GALNT13: variants seen among roughly 807,000 people sequenced by gnomAD.
The protein encoded by GALNT13 is polypeptide N-acetylgalactosaminyltransferase 13, also known as UDP-GalNAc:polypeptide N-acetylgalactosaminyltransferase 13.
A neutral mutation model predicts 64.2 loss-of-function variants in GALNT13; 28 were observed. That is an observed-to-expected ratio of 0.44 (90% CI 0.32 to 0.60). The LOEUF (loss-of-function observed/expected upper bound fraction) is 0.60. Among genes scored for constraint, GALNT13 ranks in the 20% least tolerant of loss-of-function variants. The pLI is 0.05. For synonymous variants in GALNT13, 214 were observed against 224.6 expected, an observed-to-expected ratio of 0.95 and a Z score of 0.42; for missense variants, 577 against 669.8, an observed-to-expected ratio of 0.86 and a Z score of 1.53.
At position 154,373,165 on chromosome 2, in the gene GALNT13, G is replaced by A. The variant is rs1574185380; in HGVS notation, c.1157-22826G>A. On this transcript the variant is annotated intron_variant, in intron 9 of 12. Transcript: ENST00000392825. ...TTCCTCAGTTTTCATACATTTTATG[G>A]CAAACCTTCAACACTTATTTATTCC... 4.6e-5 allele frequency among the ~76,000 whole-genome samples: 7 copies of A among 152,064 alleles called. No individual in the cohort carries two copies. The South Asian group carries it at 1.0e-3, about 23-fold the overall frequency.
Position 154,409,032 on chromosome 2 carries a change from G to A in GALNT13, c.1345G>A (p.Glu449Lys), listed in dbSNP as rs1699676154. 3 of 1,611,596 alleles carry A rather than the reference G, an allele frequency of 1.9e-6. No homozygotes were observed. The highest frequency in any genetic ancestry group is 1.3e-5 in the African/African-American group (1 of 74,898). Residue 449 changes from glutamate to lysine, a missense_variant, in exon 11 of 13, where the codon GAA (glutamate) becomes AAA (lysine). By Grantham distance (56) the Glu-to-Lys change is moderately conservative. Coordinates refer to ENST00000392825, the MANE Select transcript of GALNT13 (RefSeq NM_052917.4). ...NQCLDNMGRK[E>K]NEKVGIFNCH... ...GTGTTTAGACAACATGGGCCGCAAG[G>A]AAAATGAAAAAGTGGGTATATTCAA...
chr2:154,208,582 C>G (rs1348482933), intron 4 of GALNT13, among the ~76,000 whole-genome samples: 1 of 151,108 alleles, frequency 6.6e-6, no homozygotes, highest in Admixed American at 6.6e-5. Context: ...AATCTGATAT[C>G]TGAAGCACTG....
the GALNT13 span, among the ~76,000 whole-genome samples, chr2:153,293,347 GA>G: frequency 6.6e-6 from 1 of 152,108 alleles, no homozygotes; most frequent in Non-Finnish European, 1.5e-5. Context: ...CTTAAAAGAT[GA>G]AAGAGGAAGG....
chr2:153,756,172 G>A, the GALNT13 span, among the ~76,000 whole-genome samples: 183 of 152,122 alleles, frequency 1.2e-3, no homozygotes, highest in African/African-American at 4.2e-3. Context: ...AAAAAAGATT[G>A]TCTTCAGAGA....
At chr2:153,338,125 C>G in the GALNT13 span, among the ~76,000 whole-genome samples, 17 of 149,518 alleles carry the variant, frequency 1.1e-4, 1 homozygote, top group African/African-American at 4.2e-4. Flanking sequence ...GCCCCCATCT[C>G]TACAAACAAT....
chr2:153,954,282 G>T (rs1692411332), intron 3 of GALNT13, among the ~76,000 whole-genome samples: 1 of 152,048 alleles, frequency 6.6e-6, no homozygotes, highest in Non-Finnish European at 1.5e-5. Context: ...TATTGGAATT[G>T]CCCTTAATAA....
the GALNT13 span, among the ~76,000 whole-genome samples, chr2:153,468,576 T>C: frequency 6.6e-6 from 1 of 152,128 alleles, no homozygotes; most frequent in Non-Finnish European, 1.5e-5. Flanking sequence ...TTTTCAGTAT[T>C]ATAATTTGGT....
chr2:153,557,400 C>A, the GALNT13 span, among the ~76,000 whole-genome samples: 1 of 152,148 alleles, frequency 6.6e-6, no homozygotes, highest in South Asian at 2.1e-4. Flanking sequence ...TGTACACAAA[C>A]AAGAAATAAA....
chr2:153,498,905 T>G, the GALNT13 span, among the ~76,000 whole-genome samples: 1 of 151,996 alleles, frequency 6.6e-6, no homozygotes, highest in Non-Finnish European at 1.5e-5. Context: ...TGGAGTGCAG[T>G]GGCGCGATCT....
At chr2:153,262,053 C>T in the GALNT13 span, among the ~76,000 whole-genome samples, 1 of 152,176 alleles carries the variant, frequency 6.6e-6, no homozygotes, top group Non-Finnish European at 1.5e-5. Context: ...GTCCTCTACT[C>T]TACTATGGCC....
chr2:154,367,384 A>G (rs1316503186), intron 9 of GALNT13, among the ~76,000 whole-genome samples: 1 of 152,204 alleles, frequency 6.6e-6, no homozygotes, highest in Non-Finnish European at 1.5e-5. Flanking sequence ...GGCAGTAGAA[A>G]GCATGATTTT....
chr2:153,416,489 T>C, the GALNT13 span, among the ~76,000 whole-genome samples: 1 of 152,212 alleles, frequency 6.6e-6, no homozygotes, highest in Admixed American at 6.5e-5. Flanking sequence ...AAATTTTGTC[T>C]TGTTCATTTG....
intron 2 of GALNT13, among the ~76,000 whole-genome samples, chr2:153,939,181 G>A (rs560505050): frequency 2.6e-5 from 4 of 152,258 alleles, no homozygotes; most frequent in African/African-American, 4.8e-5. Flanking sequence ...AGGAAAGCTC[G>A]TGGTGATGTG....
chr2:153,622,646 A>T, the GALNT13 span, among the ~76,000 whole-genome samples: 1 of 152,200 alleles, frequency 6.6e-6, no homozygotes, highest in East Asian at 1.9e-4. Flanking sequence ...TCAGTAAAAT[A>T]CAAACATTAT....
chr2:153,996,026 G>T (rs1336215216), intron 3 of GALNT13, among the ~76,000 whole-genome samples: 1 of 152,228 alleles, frequency 6.6e-6, no homozygotes. Context: ...TTTAATAGCC[G>T]AATAGCATTC....
chr2:154,329,951 C>T, intron 9 of GALNT13, among the ~76,000 whole-genome samples: 1 of 152,090 alleles, frequency 6.6e-6, no homozygotes. Flanking sequence ...GCCCACAGAA[C>T]CATGAGCCAA....
At chr2:153,832,371 C>T in the GALNT13 span, among the ~76,000 whole-genome samples, 2 of 152,126 alleles carry the variant, frequency 1.3e-5, no homozygotes, top group African/African-American at 4.8e-5. Flanking sequence ...ATGAGAGTCT[C>T]GATAGGTCAA....
In GALNT13 at chr2:154,394,774, G is replaced by C. The variant is rs142536271; in HGVS notation, c.1157-1217G>C. ...TCTGTTTAAAAAGCCCAAAGACCTT[G>C]TTTTTTCTGCCCAAACACCAGCTAG... On this transcript the variant is annotated intron_variant, in intron 9 of 12. Coordinates refer to ENST00000392825, the MANE Select transcript of GALNT13 (RefSeq NM_052917.4). 5.6e-3 allele frequency among the ~76,000 whole-genome samples: 846 copies of C among 152,250 alleles called. 8 individuals carry two copies. Among genetic ancestry groups the C allele is most frequent in the African/African-American group, 0.019 (804 of 41,558 alleles).
intron 8 of GALNT13, among the ~76,000 whole-genome samples, chr2:154,266,165 C>T (rs1690987110): frequency 6.6e-6 from 1 of 152,108 alleles, no homozygotes; most frequent in Non-Finnish European, 1.5e-5. Context: ...AAAAAACCTA[C>T]ACATATTTAA....
Sources: gnomAD v4.1 joint callset for allele counts (sites outside exome capture counted in the v4.1 genomes callset) on GRCh38, gnomAD v4.1.1 for gene constraint, MANE v1.5 for transcripts, NCBI Gene and HGNC (gene_info 2026-07-23, HGNC 2026-07-21) for gene names.